PKHD1: variants seen among roughly 807,000 people sequenced by gnomAD.
PKHD1 encodes the protein PKHD1 ciliary IPT domain containing fibrocystin/polyductin, also known as fibrocystin.
A neutral mutation model predicts 412.0 loss-of-function variants in PKHD1; 291 were observed. The observed-to-expected ratio is 0.71, with a 90% CI of 0.64 to 0.78. PKHD1 has a LOEUF of 0.78. PKHD1 is among the 30% of genes least tolerant of loss of function. PKHD1 has a pLI of 0.00. For missense variants in PKHD1, 4,825 were observed against 4,950.7 expected (o/e 0.97, Z 0.76); for synonymous variants, 1,777 against 1,821.5 (o/e 0.98, Z 0.62).
chr6:51,737,151 G>C (rs1783960706), intron 60 of PKHD1, among the ~76,000 whole-genome samples: 1 of 152,138 alleles, frequency 6.6e-6, no homozygotes. Context: ...GTTCCCTACT[G>C]TCTCATGGTA....
chr6:52,082,175 G>A (rs973299823), intron 4 of PKHD1, among the ~76,000 whole-genome samples: 3 of 151,834 alleles, frequency 2.0e-5, no homozygotes, highest in Non-Finnish European at 4.4e-5. Context: ...CCCTCCTTAC[G>A]AATATCTCAA....
chr6:51,919,196 C>A (rs1323261811), intron 37 of PKHD1, among the ~76,000 whole-genome samples: 2 of 152,194 alleles, frequency 1.3e-5, no homozygotes, highest in Non-Finnish European at 2.9e-5. Flanking sequence ...GTCATGAAGT[C>A]CTTGCCCATG....
intron 60 of PKHD1, among the ~76,000 whole-genome samples, chr6:51,696,220 T>C (rs916104689): frequency 6.6e-6 from 1 of 152,188 alleles, no homozygotes; most frequent in Admixed American, 6.5e-5. Flanking sequence ...CCTGTAGCAC[T>C]TGGAAGGCTA....
chr6:51,897,489 G>A (rs990431860), intron 43 of PKHD1, among the ~76,000 whole-genome samples: 2 of 150,086 alleles, frequency 1.3e-5, no homozygotes, highest in African/African-American at 4.9e-5. Flanking sequence ...CACCAGGCCT[G>A]CCCTAAAAGA....
At chr6:51,944,336 C>A (rs1464690430) in intron 36 of PKHD1, among the ~76,000 whole-genome samples, 2 of 152,158 alleles carry the variant, frequency 1.3e-5, no homozygotes, top group East Asian at 3.8e-4. Context: ...ACTCTCTTTT[C>A]GGACTCAGCC....
At chr6:51,662,416 T>G (rs982364488) in intron 60 of PKHD1, among the ~76,000 whole-genome samples, 37 of 152,020 alleles carry the variant, frequency 2.4e-4, no homozygotes, top group African/African-American at 8.4e-4. Context: ...AATGTATATG[T>G]GTATCAAAAC....
At chr6:52,065,857 C>G in intron 12 of PKHD1, 119 bp downstream of exon 12, 4 of 704,238 alleles carry the variant, frequency 5.7e-6, no homozygotes, top group Middle Eastern at 2.3e-4. Flanking sequence ...ACTTATCAAA[C>G]ATGATGAGTC....
intron 37 of PKHD1, among the ~76,000 whole-genome samples, chr6:51,925,847 G>T (rs950281352): frequency 6.6e-6 from 1 of 150,526 alleles, no homozygotes; most frequent in Non-Finnish European, 1.5e-5. Flanking sequence ...TCTCTCAAAT[G>T]GCTTATGACT....
intron 55 of PKHD1, among the ~76,000 whole-genome samples, chr6:51,761,969 C>A (rs1250959736): frequency 1.3e-5 from 2 of 151,972 alleles, no homozygotes; most frequent in Non-Finnish European, 2.9e-5. Flanking sequence ...TGACTCTTCT[C>A]TTTCTCTTTT....
At chr6:51,632,469 TTG>T (rs1768041449) in intron 65 of PKHD1, 94 bp downstream of exon 65, 4 of 1,048,770 alleles carry the variant, frequency 3.8e-6, no homozygotes, top group Non-Finnish European at 5.6e-6. Context: ...TCACAAAAAT[TTG>T]TCTTTGGGGA....
intron 49 of PKHD1, among the ~76,000 whole-genome samples, chr6:51,851,045 CT>C (rs1772134453): frequency 1.3e-5 from 2 of 152,048 alleles, no homozygotes. Flanking sequence ...TCATAAATAG[CT>C]GTTATTATTT....
At chr6:51,830,746 TA>T (rs1768097648) in intron 52 of PKHD1, 114 bp downstream of exon 52, 2 of 1,000,710 alleles carry the variant, frequency 2.0e-6, no homozygotes, top group African/African-American at 3.2e-5. Context: ...TGAAACAACA[TA>T]AGTGCCTACT....
At chr6:52,075,771 C>G (rs1321218949) in intron 6 of PKHD1, among the ~76,000 whole-genome samples, 1 of 152,166 alleles carries the variant, frequency 6.6e-6, no homozygotes, top group Non-Finnish European at 1.5e-5. Flanking sequence ...TGGTTCAAAT[C>G]TCAGCTGTGG....
intron 15 of PKHD1, among the ~76,000 whole-genome samples, chr6:52,059,690 A>G (rs1031994433): frequency 6.6e-6 from 1 of 152,246 alleles, no homozygotes; most frequent in Non-Finnish European, 1.5e-5. Context: ...GCAGAGATGC[A>G]GTGAAAACTA....
At chr6:51,784,537 T>C (rs1324306551) in intron 53 of PKHD1, among the ~76,000 whole-genome samples, 1 of 152,212 alleles carries the variant, frequency 6.6e-6, no homozygotes, top group Non-Finnish European at 1.5e-5. Flanking sequence ...AAAATCACAA[T>C]TCATGTCTCT....
At chr6:51,969,580 A>G (rs1192437258) in intron 35 of PKHD1, among the ~76,000 whole-genome samples, 1 of 152,122 alleles carries the variant, frequency 6.6e-6, no homozygotes, top group East Asian at 1.9e-4. Flanking sequence ...CTAAGCCTCC[A>G]GTGTCTATTA....
At chr6:52,009,334 C>T (rs1799506585) in intron 35 of PKHD1, among the ~76,000 whole-genome samples, 1 of 152,126 alleles carries the variant, frequency 6.6e-6, no homozygotes, top group African/African-American at 2.4e-5. Context: ...TGTTTGCCAT[C>T]GCATACATTT....
At chr6:51,821,431 C>T (rs905428518) in intron 52 of PKHD1, among the ~76,000 whole-genome samples, 3 of 152,188 alleles carry the variant, frequency 2.0e-5, no homozygotes, top group African/African-American at 7.2e-5. Flanking sequence ...ATTTTAAAGA[C>T]ATTAGTTCCT....
chr6:51,964,248 C>T (rs1792483824), intron 35 of PKHD1, among the ~76,000 whole-genome samples: 1 of 152,084 alleles, frequency 6.6e-6, no homozygotes, highest in Non-Finnish European at 1.5e-5. Flanking sequence ...CAAGTTGGAA[C>T]ACCCGGCAAA....
Sources: gnomAD v4.1 joint callset for allele counts (sites outside exome capture counted in the v4.1 genomes callset) on GRCh38, gnomAD v4.1.1 for gene constraint, MANE v1.5 for transcripts, NCBI Gene and HGNC (gene_info 2026-07-23, HGNC 2026-07-21) for gene names.